The following ROBO1 variants were observed in gnomAD, a reference collection of about 807,000 sequenced individuals.
The protein encoded by ROBO1 is roundabout homolog 1.
Under a neutral mutation model 195.9 loss-of-function variants are expected in ROBO1, and 149 were observed. The observed-to-expected ratio is 0.76, with a 90% confidence interval of 0.67 to 0.87. ROBO1 has a LOEUF of 0.87. Among genes scored for constraint, ROBO1 ranks in the 40% least tolerant of loss-of-function variants. The probability of loss-of-function intolerance (pLI) is 0.00; values close to 1 mark genes in which losing one functional copy is unlikely to be tolerated. For synonymous variants in ROBO1, 816 were observed against 733.2 expected, an observed-to-expected ratio of 1.11 and a Z score of -1.82; for missense variants, 1,933 against 2,068.3, an observed-to-expected ratio of 0.93 and a Z score of 1.27.
intron 2 of ROBO1, among the ~76,000 whole-genome samples, chr3:79,215,490 C>T (rs2082041233): frequency 6.6e-6 from 1 of 152,056 alleles, no homozygotes; most frequent in East Asian, 1.9e-4. Flanking sequence ...TATGTAAATA[C>T]ACACAGAGCT....
At chr3:79,223,102 C>T (rs565546226) in intron 2 of ROBO1, among the ~76,000 whole-genome samples, 1 of 152,226 alleles carries the variant, frequency 6.6e-6, no homozygotes, top group African/African-American at 2.4e-5. Context: ...TGTTTTCTAT[C>T]TGCCTTCTGA....
Position 78,636,042 on chromosome 3 carries a change from G to A in ROBO1, c.3104C>T (p.Ser1035Leu), listed in dbSNP as rs748697646. 1.2e-6 allele frequency: 2 copies of A among 1,613,606 alleles called. No homozygotes were observed. The highest frequency in any genetic ancestry group is 1.1e-5 in the South Asian group (1 of 91,052). ...AAGGTCCACATCACCATAAACAGTT[G>A]ACTCAGGGAGCATCAGATTTGTTTG... is the stretch of plus-strand genomic sequence containing the variant. ...NKQTNLMLPESTVYGDVDLSN... is the reference protein window; with the variant it reads ...NKQTNLMLPELTVYGDVDLSN... Residue 1035 changes from serine to leucine, a missense_variant, in exon 23 of 31, where the codon TCA (serine) becomes TTA (leucine). By Grantham distance (145) the Ser-to-Leu change is moderately radical. This residue lies in a region of ROBO1 where 1,737 missense variants were observed against 1,882.5 expected (regional missense o/e 0.92). Coordinates refer to ENST00000464233, the MANE Select transcript of ROBO1 (RefSeq NM_002941.4).
At chr3:79,627,023 T>C (rs1945200786) in intron 1 of ROBO1, among the ~76,000 whole-genome samples, 1 of 152,066 alleles carries the variant, frequency 6.6e-6, no homozygotes. Context: ...AGAAAAACAT[T>C]CCATCCTCAT....
intron 3 of ROBO1, among the ~76,000 whole-genome samples, chr3:79,021,818 T>G (rs1030728371): frequency 4.7e-4 from 71 of 151,732 alleles, no homozygotes; most frequent in African/African-American, 1.5e-3. Context: ...CCGCCACCAC[T>G]CCCGGCTAAT....
chr3:79,091,893 G>A (rs1346102364), intron 3 of ROBO1, among the ~76,000 whole-genome samples: 2 of 152,084 alleles, frequency 1.3e-5, no homozygotes, highest in Non-Finnish European at 1.5e-5. Flanking sequence ...AAATGATAGA[G>A]TAGAATAGGT....
intron 4 of ROBO1, among the ~76,000 whole-genome samples, chr3:78,777,818 C>T (rs113339897): frequency 0.029 from 4,421 of 152,184 alleles, 196 homozygotes; most frequent in African/African-American, 0.1. Context: ...TATTTGAATA[C>T]CCTTTATTTC....
chr3:78,598,575 C>A lies in ROBO1; in HGVS notation c.*338G>T, dbSNP rs914611405. On this transcript the variant is annotated 3_prime_UTR_variant, in exon 31 of 31. Coordinates refer to ENST00000464233, the MANE Select transcript of ROBO1 (RefSeq NM_002941.4). The stretch of plus-strand genomic sequence containing the variant: ...GCTTGGCATATAAGCAGTGCAATGC[C>A]ATATCTCAGCGGCAAAATGCAAAAG... 4.7e-6 allele frequency: 1 copy of A among 211,028 alleles called. No individual in the cohort carries two copies. Among genetic ancestry groups the A allele is most frequent in the Admixed American group, 5.7e-5 (1 of 17,608 alleles). The allele number at this position is 211,028 out of a possible 1,614,324, so 13.1% of individuals were successfully genotyped here.
chr3:79,058,697 T>C (rs1219598427), intron 3 of ROBO1, among the ~76,000 whole-genome samples: 1 of 10,486 alleles, frequency 9.5e-5, no homozygotes, highest in Non-Finnish European at 1.2e-3. Flanking sequence ...TTTATACACT[T>C]GTATTAACTC....
At chr3:79,191,454 T>C (rs1393934085) in intron 2 of ROBO1, among the ~76,000 whole-genome samples, 1 of 151,436 alleles carries the variant, frequency 6.6e-6, no homozygotes, top group Non-Finnish European at 1.5e-5. Flanking sequence ...TCTAAAACTC[T>C]TTGTATTATT....
intron 1 of ROBO1, among the ~76,000 whole-genome samples, chr3:79,658,115 T>C (rs1453219214): frequency 6.6e-6 from 1 of 152,106 alleles, no homozygotes; most frequent in South Asian, 2.1e-4. Context: ...TTACTTTCTT[T>C]GATTGAAAAG....
At chr3:79,450,735 A>C (rs552246647) in intron 2 of ROBO1, among the ~76,000 whole-genome samples, 69 of 152,020 alleles carry the variant, frequency 4.5e-4, no homozygotes, top group African/African-American at 1.6e-3. Flanking sequence ...GAAAAACTAC[A>C]ATTTTAAATA....
intron 2 of ROBO1, among the ~76,000 whole-genome samples, chr3:79,302,908 T>A (rs2033031043): frequency 6.6e-6 from 1 of 152,130 alleles, no homozygotes; most frequent in South Asian, 2.1e-4. Context: ...AGAAAAATTT[T>A]AAACCTAATC....
intron 3 of ROBO1, among the ~76,000 whole-genome samples, chr3:78,971,470 T>G (rs545081869): frequency 6.6e-6 from 1 of 152,220 alleles, no homozygotes; most frequent in Non-Finnish European, 1.5e-5. Context: ...CTATGTTCAT[T>G]CACCAGACTA....
At chr3:79,345,039 A>G (rs1310388701) in intron 2 of ROBO1, among the ~76,000 whole-genome samples, 1 of 152,186 alleles carries the variant, frequency 6.6e-6, no homozygotes, top group Non-Finnish European at 1.5e-5. Flanking sequence ...TCTTTCCTTT[A>G]GAAACTACAC....
rs1252503302 is a variant in ROBO1, at chr3:79,134,341, T to C, written c.89-8802A>G. On this transcript the variant is annotated intron_variant, in intron 2 of 30. Coordinates refer to ENST00000464233, the MANE Select transcript of ROBO1 (RefSeq NM_002941.4). ...TGCAAATCAAAACCACTATGAGATATCATCTCACACCAGTTAGAATGGCAA... is the reference window on the plus strand; with the variant it reads ...TGCAAATCAAAACCACTATGAGATACCATCTCACACCAGTTAGAATGGCAA... Among the ~76,000 whole-genome samples the C allele has an allele frequency of 1.6e-3, 196 of 119,066 alleles. 1 individual carries two copies. The highest frequency in any genetic ancestry group is 6.2e-3 in the African/African-American group (187 of 30,130). The allele number at this position is 119,066 out of a possible 152,430, so 78.1% of individuals were successfully genotyped here.
chr3:78,956,759 A>C (rs1366173424), intron 3 of ROBO1, among the ~76,000 whole-genome samples: 1 of 152,216 alleles, frequency 6.6e-6, no homozygotes, highest in Non-Finnish European at 1.5e-5. Context: ...GCAGAAATCC[A>C]CAAGGGAAGG....
intron 1 of ROBO1, among the ~76,000 whole-genome samples, chr3:79,664,575 A>G (rs1946422099): frequency 6.6e-6 from 1 of 151,982 alleles, no homozygotes; most frequent in South Asian, 2.1e-4. Context: ...TTTTTTCATA[A>G]CAAGGTAGCA....
At chr3:79,335,875 G>T (rs1383597337) in intron 2 of ROBO1, among the ~76,000 whole-genome samples, 1 of 152,210 alleles carries the variant, frequency 6.6e-6, no homozygotes, top group Non-Finnish European at 1.5e-5. Flanking sequence ...TGACCAAAAT[G>T]CTGATAGTGA....
chr3:78,967,693 T>A (rs535697935), intron 3 of ROBO1, among the ~76,000 whole-genome samples: 1 of 152,320 alleles, frequency 6.6e-6, no homozygotes, highest in East Asian at 1.9e-4. Flanking sequence ...TTTTTAATTT[T>A]AAAATGTTAA....
Sources: gnomAD v4.1 joint callset for allele counts (sites outside exome capture counted in the v4.1 genomes callset) on GRCh38, gnomAD v4.1.1 for gene constraint, gnomAD v4.1.1 regional missense constraint, MANE v1.5 for transcripts, NCBI Gene and HGNC (gene_info 2026-07-23, HGNC 2026-07-21) for gene names.